BTBD7: variants seen among roughly 807,000 people sequenced by gnomAD.
The protein encoded by BTBD7 is BTB domain containing 7, also known as BTB/POZ domain-containing protein 7.
BTBD7 carries 38 observed loss-of-function variants against 99.9 expected under a neutral mutation model. The ratio of observed to expected loss-of-function variants is 0.38; its 90% CI spans 0.29 to 0.50. The LOEUF (loss-of-function observed/expected upper bound fraction) is 0.50, where lower values mean the gene tolerates loss of function less well. Among genes scored for constraint, BTBD7 ranks in the 20% least tolerant of loss-of-function variants. BTBD7 has a pLI of 0.93. For synonymous variants in BTBD7, 520 were observed against 511.4 expected (o/e 1.02, Z -0.23); for missense variants, 1,170 against 1,394.6 (o/e 0.84, Z 2.57).
At chr14:93,283,937 T>C (rs569898550) in intron 3 of BTBD7, among the ~76,000 whole-genome samples, 1 of 152,292 alleles carries the variant, frequency 6.6e-6, no homozygotes, top group South Asian at 2.1e-4. Context: ...CTCCTTAAAA[T>C]TTTCTTTTCC....
At chr14:93,282,425 TGG>T (rs547013656) in intron 3 of BTBD7, among the ~76,000 whole-genome samples, 107 of 151,904 alleles carry the variant, frequency 7.0e-4, no homozygotes, top group Non-Finnish European at 1.4e-3. Context: ...TTCTGCCTCC[TGG>T]GTTCAAGCGA....
At chr14:93,250,552 A>T in intron 8 of BTBD7, among the ~76,000 whole-genome samples, 1 of 152,220 alleles carries the variant, frequency 6.6e-6, no homozygotes, top group East Asian at 1.9e-4. Flanking sequence ...TTCATCTTTA[A>T]TTACAGTAGA....
intron 1 of BTBD7, among the ~76,000 whole-genome samples, chr14:93,312,970 C>T (rs1481824963): frequency 6.6e-6 from 1 of 152,170 alleles, no homozygotes; most frequent in Non-Finnish European, 1.5e-5. Context: ...GTATACCAAA[C>T]ATTTACTGTA....
At position 93,293,790 on chromosome 14, in the gene BTBD7, T is replaced by C. The variant is rs540520211; in HGVS notation, c.1162+68A>G. ...ACACTGAAATCATAGAATATACTGG[T>C]TGTGTTTTCAATTTGGAAGATCAAT... is the stretch of plus-strand genomic sequence containing the variant. On this transcript the variant is annotated intron_variant, in intron 3 of 10. Transcript: ENST00000334746. The C allele has an allele frequency of 2.6e-6, 4 of 1,518,708 alleles. No homozygotes were observed. In the South Asian group the frequency reaches 4.0e-5, roughly 15 times the overall value. The allele number at this position is 1,518,708 out of a possible 1,614,324, so 94.1% of individuals were successfully genotyped here. A position where few individuals can be genotyped will look rare whatever the true frequency, so the allele number is the denominator to read the frequency against.
At chr14:93,265,968 A>G (rs1268798308) in intron 3 of BTBD7, among the ~76,000 whole-genome samples, 1 of 152,210 alleles carries the variant, frequency 6.6e-6, no homozygotes, top group Non-Finnish European at 1.5e-5. Flanking sequence ...TGATGTGGAA[A>G]GTATGTTTCA....
rs1214759989 is a variant in BTBD7 at position 93,242,851 on chromosome 14, C to T, written c.2821G>A (p.Glu941Lys). 1 of 1,614,026 alleles carries T rather than the reference C, an allele frequency of 6.2e-7. No individual in the cohort carries two copies. The highest frequency in any genetic ancestry group is 1.1e-5 in the South Asian group (1 of 91,074). The change falls in exon 11 of 11, where the codon GAA becomes AAA. Residue 941 changes from glutamate (E) to lysine (K), a missense_variant. By Grantham distance (56) the Glu-to-Lys change is moderately conservative (BLOSUM62 1). Coordinates refer to ENST00000334746, the MANE Select transcript of BTBD7 (RefSeq NM_001002860.4). ...QKTDTRENPQ[E>K]YPDFYDFSNA... is the part of the protein sequence containing the mutation. ...GAGAAGTCATAGAAATCCGGATATTCCTGTGGATTTTCTCTGGTGTCTGTT... is the reference window on the plus strand; with the variant it reads ...GAGAAGTCATAGAAATCCGGATATTTCTGTGGATTTTCTCTGGTGTCTGTT...
In BTBD7 at chr14:93,294,254, C is replaced by T. The variant is rs199953947; in HGVS notation, c.766G>A (p.Asp256Asn). ...CCAAAAGCTTCAACCAGTTCAGAGT[C>T]TGAAGAAAAACTAAGGACGACATCA... ...YYDVVLSFSS[D>N]SELVEAFGGN... The change falls in exon 3 of 11, where the codon GAC (aspartate) becomes AAC (asparagine). Residue 256 changes from aspartate to asparagine, a missense_variant. Coordinates refer to ENST00000334746, the MANE Select transcript of BTBD7 (RefSeq NM_001002860.4). The T allele has an allele frequency of 6.2e-7, 1 of 1,613,834 alleles. No individual in the cohort carries two copies. The highest frequency in any genetic ancestry group is 1.1e-5 in the South Asian group (1 of 91,036).
Position 93,257,337 on chromosome 14 carries a change from C to T in BTBD7, c.1466G>A (p.Gly489Asp). Reference sequence around the variant, plus strand: ...TCTTTTGTTCACACTATGGGCAGTGCCACTCAGTAAGTTTGGCTCTATGAG... The same window carrying T: ...TCTTTTGTTCACACTATGGGCAGTGTCACTCAGTAAGTTTGGCTCTATGAG... ...IADREPNLLSGTAHSVNKRGV... is the reference protein window; with the variant it reads ...IADREPNLLSDTAHSVNKRGV... The change falls in exon 6 of 11, where the codon GGC becomes GAC. Residue 489 changes from glycine to aspartate, a missense_variant. By Grantham distance (94) the Gly-to-Asp change is moderately conservative. Around this residue, in one of 4 missense-constraint regions of BTBD7, gnomAD observed 309 missense variants for 342.0 expected, o/e 0.90. Coordinates refer to ENST00000334746, the MANE Select transcript of BTBD7 (RefSeq NM_001002860.4). 6.2e-7 allele frequency: 1 copy of T among 1,607,204 alleles called. No homozygotes were observed. The highest frequency in any genetic ancestry group is 8.5e-7 in the Non-Finnish European group (1 of 1,177,972).
intron 3 of BTBD7, among the ~76,000 whole-genome samples, chr14:93,266,938 C>T (rs754029026): frequency 1.5e-4 from 23 of 152,162 alleles, no homozygotes; most frequent in Admixed American, 9.2e-4. Flanking sequence ...CATTTTATGA[C>T]GAGCCTTTGA....
rs1242289974 is a variant in BTBD7 at position 93,240,414 on chromosome 14, G to C, written c.*1859C>G. On this transcript the variant is annotated 3_prime_UTR_variant, in exon 11 of 11. Coordinates refer to ENST00000334746, the MANE Select transcript of BTBD7 (RefSeq NM_001002860.4). ...CGTAAGAGAAACTATAGTTTTGGGA[G>C]AAATCAGCGTTGTTGACACCCAATA... 1 of 152,682 alleles carries C rather than the reference G, an allele frequency of 6.5e-6. No homozygotes were observed. Among genetic ancestry groups the C allele is most frequent in the Non-Finnish European group, 1.5e-5 (1 of 68,038 alleles). The allele number at this position is 152,682 out of a possible 1,614,324, so 9.5% of individuals were successfully genotyped here.
At chr14:93,269,579 C>T (rs963829502) in intron 3 of BTBD7, among the ~76,000 whole-genome samples, 8 of 152,158 alleles carry the variant, frequency 5.3e-5, no homozygotes, top group Non-Finnish European at 7.3e-5. Context: ...TGTTCTCTCT[C>T]GGCACTTTGC....
At chr14:93,313,975 G>A (rs555536785) in intron 1 of BTBD7, among the ~76,000 whole-genome samples, 2 of 151,824 alleles carry the variant, frequency 1.3e-5, no homozygotes, top group African/African-American at 4.8e-5. Context: ...TGAACTCCTA[G>A]CCTCAAGTGA....
chr14:93,242,307 T>C lies in BTBD7; in HGVS notation c.3365A>G (p.Lys1122Arg). Reference protein sequence around the residue: ...SISRGRRSPSKPDFLYKKSAL With the variant: ...SISRGRRSPSRPDFLYKKSAL Reference sequence around the variant, plus strand: ...AGACTTTTTGTAGAGGAAGTCCGGCTTGCTTGGTGACCTCCTTCCTCTGCT... The same window carrying C: ...AGACTTTTTGTAGAGGAAGTCCGGCCTGCTTGGTGACCTCCTTCCTCTGCT... Residue 1122 changes from lysine to arginine, a missense_variant, in exon 11 of 11, where the codon AAG becomes AGG. Physicochemically the swap from Lys to Arg is conservative, Grantham distance 26. Coordinates refer to ENST00000334746, the MANE Select transcript of BTBD7 (RefSeq NM_001002860.4). 2 of 1,614,120 alleles carry C rather than the reference T, an allele frequency of 1.2e-6. No homozygotes were observed. The highest frequency in any genetic ancestry group is 1.7e-6 in the Non-Finnish European group (2 of 1,179,948).
At chr14:93,306,577 C>CATTCTCCCA (rs1281450162) in intron 1 of BTBD7, among the ~76,000 whole-genome samples, 3 of 152,026 alleles carry the variant, frequency 2.0e-5, no homozygotes, top group Admixed American at 2.0e-4. Flanking sequence ...TACAATACAG[C>CATTCTCCCA]ATTCTCCCAA....
chr14:93,321,634 G>C (rs1213793514), intron 1 of BTBD7, among the ~76,000 whole-genome samples: 2 of 152,088 alleles, frequency 1.3e-5, no homozygotes, highest in African/African-American at 4.8e-5. Flanking sequence ...CTCATAGTGG[G>C]GCAAACTGTT....
intron 1 of BTBD7, among the ~76,000 whole-genome samples, chr14:93,309,422 A>C (rs2053112811): frequency 6.6e-6 from 1 of 151,190 alleles, no homozygotes. Context: ...AAAAAAAAAA[A>C]AAGAGTAAAA....
intron 5 of BTBD7, among the ~76,000 whole-genome samples, chr14:93,258,556 C>G (rs2052455236): frequency 1.3e-5 from 2 of 151,972 alleles, no homozygotes; most frequent in Admixed American, 1.3e-4. Flanking sequence ...CTTCCACTAA[C>G]CCAGTGTGGA....
At chr14:93,329,340 GATGA>G (rs1555394277) in intron 1 of BTBD7, among the ~76,000 whole-genome samples, 2 of 151,990 alleles carry the variant, frequency 1.3e-5, no homozygotes, top group South Asian at 2.1e-4. Flanking sequence ...TACTCATCAG[GATGA>G]ATATTAGGAA....
Position 93,251,451 on chromosome 14 carries a change from A to G in BTBD7, c.1942+12T>C, listed in dbSNP as rs753279701. On this transcript the variant is annotated intron_variant, in intron 8 of 10. Coordinates refer to ENST00000334746, the MANE Select transcript of BTBD7 (RefSeq NM_001002860.4). ...ATTCATTTAAATATAAACACCCAACATACTGCCTTACCTGGAATTTCGTTG... is the reference window on the plus strand; with the variant it reads ...ATTCATTTAAATATAAACACCCAACGTACTGCCTTACCTGGAATTTCGTTG... The G allele has an allele frequency of 6.3e-6, 10 of 1,579,124 alleles. No homozygotes were observed. In the Admixed American group the frequency reaches 1.7e-4, roughly 27 times the overall value.
Sources: allele counts gnomAD v4.1 joint callset (sites outside exome capture counted in the v4.1 genomes callset), GRCh38; gene constraint gnomAD v4.1.1; regional missense constraint gnomAD v4.1.1; transcripts MANE v1.5; gene names NCBI Gene and HGNC (gene_info 2026-07-23, HGNC 2026-07-21).